The following SPTLC1 variants were observed in gnomAD, a reference collection of about 807,000 sequenced individuals.
The protein encoded by SPTLC1 is serine palmitoyltransferase 1.
In SPTLC1, 55 loss-of-function variants were observed where a neutral mutation model predicts 68.9. The observed-to-expected ratio is 0.80, with a 90% CI of 0.64 to 1.00. SPTLC1 has a LOEUF of 1.00. Among genes scored for constraint, SPTLC1 ranks in the 50% least tolerant of loss-of-function variants. The probability of loss-of-function intolerance (pLI) is 0.00; values close to 1 mark genes in which losing one functional copy is unlikely to be tolerated. For synonymous variants in SPTLC1, 197 were observed against 201.6 expected (o/e 0.98, Z 0.19); for missense variants, 449 against 573.1 (o/e 0.78, Z 2.21).
At chr9:92,081,121 G>A (rs1834870495) in intron 3 of SPTLC1, among the ~76,000 whole-genome samples, 158 bp from the exon 4 acceptor site, 1 of 151,870 alleles carries the variant, frequency 6.6e-6, no homozygotes, top group Admixed American at 6.6e-5. Flanking sequence ...TTAGAGCATG[G>A]TACATTAAAA....
Position 92,055,469 on chromosome 9 carries a change from C to T in SPTLC1, c.716G>A (p.Arg239Gln), listed in dbSNP as rs773121449. Reference sequence around the variant, plus strand: ...CAATCCTTCTACTACAATGAAACGCCGAGTTACACGAGCCTTGCGAGGATT... The same window carrying T: ...CAATCCTTCTACTACAATGAAACGCTGAGTTACACGAGCCTTGCGAGGATT... ...QKNPRKARVT[R>Q]RFIVVEGLYM... Residue 239 changes from arginine (R) to glutamine (Q), a missense_variant, in exon 8 of 15, where the codon CGG becomes CAG. By Grantham distance (43) the Arg-to-Gln change is conservative. Transcript: ENST00000262554. The T allele has an allele frequency of 3.7e-6, 6 of 1,613,650 alleles. No homozygotes were observed. Among genetic ancestry groups the T allele is most frequent in the East Asian group, 2.2e-5 (1 of 44,870 alleles).
chr9:92,067,957 T>C lies in SPTLC1; in HGVS notation c.560+9A>G, dbSNP rs1564097402. On this transcript the variant is annotated intron_variant, in intron 6 of 14. Transcript: ENST00000262554. ...ACTGCTATTAGAAAACTACGTAAAG[T>C]TTACTTACACAAAAACAATGTCCCC... The C allele has an allele frequency of 6.2e-7, 1 of 1,613,088 alleles. No individual in the cohort carries two copies. Among genetic ancestry groups the C allele is most frequent in the East Asian group, 2.2e-5 (1 of 44,820 alleles).
At chr9:92,048,022 CA>C (rs550266023) in intron 9 of SPTLC1, among the ~76,000 whole-genome samples, 2 of 152,136 alleles carry the variant, frequency 1.3e-5, no homozygotes, top group Non-Finnish European at 2.9e-5. Flanking sequence ...AAAGTAGTCA[CA>C]GGTACAAAAT....
chr9:92,032,301 TC>T lies in SPTLC1; in HGVS notation c.*163del. ...GTTTTCTTTTTAAAAAAAATAAGCA[TC>T]CTTCTCATGGTCACACAATTGGTCC... On this transcript the variant is annotated 3_prime_UTR_variant, in exon 15 of 15. Transcript: ENST00000262554. 1 of 1,537,406 alleles carries T rather than the reference TC, an allele frequency of 6.5e-7. No individual in the cohort carries two copies. Among genetic ancestry groups the T allele is most frequent in the Non-Finnish European group, 8.7e-7 (1 of 1,146,736 alleles).
At chr9:92,078,202 C>T (rs751639759) in intron 5 of SPTLC1, among the ~76,000 whole-genome samples, 2 of 152,164 alleles carry the variant, frequency 1.3e-5, no homozygotes, top group Non-Finnish European at 2.9e-5. Context: ...TGCTGCTCTC[C>T]TCCGTACCTA....
chr9:92,106,722 C>T (rs953717740), intron 3 of SPTLC1, among the ~76,000 whole-genome samples: 25 of 152,086 alleles, frequency 1.6e-4, no homozygotes, highest in Non-Finnish European at 2.9e-4. Flanking sequence ...CCTGGCTCTT[C>T]CCACTGACCT....
chr9:92,043,673 G>A lies in SPTLC1; in HGVS notation c.1136+2326C>T, dbSNP rs577183423. On this transcript the variant is annotated intron_variant, in intron 12 of 14. Coordinates refer to ENST00000262554, the MANE Select transcript of SPTLC1 (RefSeq NM_006415.4). Reference sequence around the variant, plus strand: ...AAGATACCCAGAATCCAGACACTTCGCAGGTCATGGCTCCCAACATGGTCA... The same window carrying A: ...AAGATACCCAGAATCCAGACACTTCACAGGTCATGGCTCCCAACATGGTCA... 9.9e-5 allele frequency among the ~76,000 whole-genome samples: 15 copies of A among 152,234 alleles called. No homozygotes were observed. The South Asian group carries it at 1.0e-3, about 11-fold the overall frequency.
chr9:92,034,802 C>A lies in SPTLC1; in HGVS notation c.1328+8G>T. On this transcript the variant is annotated splice_region_variant and intron_variant, in intron 14 of 14. Coordinates refer to ENST00000262554, the MANE Select transcript of SPTLC1 (RefSeq NM_006415.4). Reference sequence around the variant, plus strand: ...AAAAAATAAGGTCATATTTTAACGTCAACTGACCTGGGAGGAGGGAGACAC... The same window carrying A: ...AAAAAATAAGGTCATATTTTAACGTAAACTGACCTGGGAGGAGGGAGACAC... The A allele has an allele frequency of 5.0e-6, 8 of 1,612,990 alleles. No homozygotes were observed. Among genetic ancestry groups the A allele is most frequent in the Non-Finnish European group, 6.8e-6 (8 of 1,178,986 alleles).
At chr9:92,077,956 C>G (rs1458588265) in intron 5 of SPTLC1, among the ~76,000 whole-genome samples, 1 of 152,100 alleles carries the variant, frequency 6.6e-6, no homozygotes, top group Non-Finnish European at 1.5e-5. Context: ...TCAACCTCAC[C>G]CACTCCCTCC....
At chr9:92,079,675 T>C (rs1186621851) in intron 5 of SPTLC1, 2 of 981,356 alleles carry the variant, frequency 2.0e-6, no homozygotes, top group Non-Finnish European at 3.3e-6. Context: ...TGGCTAGTCA[T>C]GGCAGGGGTT....
intron 6 of SPTLC1, among the ~76,000 whole-genome samples, chr9:92,064,876 C>A (rs1045646206): frequency 6.6e-6 from 1 of 152,170 alleles, no homozygotes; most frequent in Non-Finnish European, 1.5e-5. Flanking sequence ...CTGGATGATT[C>A]CATTTGTATA....
chr9:92,111,582 G>GC (rs1486581908), intron 2 of SPTLC1: 2 of 152,006 alleles, frequency 1.3e-5, no homozygotes, highest in Non-Finnish European at 2.9e-5. Context: ...CTCATCCTCA[G>GC]CCCCCTAATA....
At chr9:92,045,552 A>ACC (rs1236562767) in intron 12 of SPTLC1, among the ~76,000 whole-genome samples, 1 of 137,842 alleles carries the variant, frequency 7.3e-6, no homozygotes, top group African/African-American at 2.9e-5. Context: ...AAAAAAAAAA[A>ACC]CACTGATAAA....
intron 3 of SPTLC1, among the ~76,000 whole-genome samples, chr9:92,101,545 G>C (rs1835750138): frequency 9.6e-6 from 1 of 103,800 alleles, no homozygotes; most frequent in African/African-American, 4.0e-5. Flanking sequence ...CTGGGCGACA[G>C]AGCAAGACTC....
At chr9:92,114,664 G>A (rs574872400) in intron 1 of SPTLC1, among the ~76,000 whole-genome samples, 219 of 152,052 alleles carry the variant, frequency 1.4e-3, no homozygotes, top group Middle Eastern at 6.8e-3. Flanking sequence ...AAACCCGGGA[G>A]GCGGAGGTTG....
chr9:92,052,536 T>TA (rs200182364), intron 8 of SPTLC1, among the ~76,000 whole-genome samples: 1,915 of 147,408 alleles, frequency 0.013, 45 homozygotes, highest in African/African-American at 0.044. Flanking sequence ...TTATTATTAT[T>TA]TTTTTTTTTT....
chr9:92,072,780 G>C (rs1464778415), intron 5 of SPTLC1, among the ~76,000 whole-genome samples: 1 of 151,982 alleles, frequency 6.6e-6, no homozygotes, highest in East Asian at 1.9e-4. Flanking sequence ...GTTGCAAAAT[G>C]GGCAAATGGT....
chr9:92,079,351 C>G, intron 5 of SPTLC1: 3 of 1,408,774 alleles, frequency 2.1e-6, no homozygotes, highest in Non-Finnish European at 2.8e-6. Flanking sequence ...GCTGGGATTA[C>G]AGGCATGAGC....
At chr9:92,045,389 C>G (rs1395024354) in intron 12 of SPTLC1, among the ~76,000 whole-genome samples, 1 of 148,104 alleles carries the variant, frequency 6.8e-6, no homozygotes, top group Non-Finnish European at 1.5e-5. Context: ...TAAAGAGTGA[C>G]TCTTCTAGAT....
Sources: allele counts gnomAD v4.1 joint callset (sites outside exome capture counted in the v4.1 genomes callset), GRCh38; gene constraint gnomAD v4.1.1; transcripts MANE v1.5; gene names NCBI Gene and HGNC (gene_info 2026-07-23, HGNC 2026-07-21).